Variants in NNT observed in about 807,000 individuals in gnomAD.
NNT encodes nicotinamide nucleotide transhydrogenase, also known as NAD(P) transhydrogenase, mitochondrial.
NNT carries 50 observed loss-of-function variants against 104.8 expected under a neutral mutation model. That is an observed-to-expected ratio of 0.48 (90% CI 0.38 to 0.60). NNT has a LOEUF of 0.60. NNT is among the 20% of genes least tolerant of loss of function. The probability of loss-of-function intolerance (pLI) is 0.00; values close to 1 mark genes in which losing one functional copy is unlikely to be tolerated. For synonymous variants in NNT, 461 were observed against 490.4 expected (o/e 0.94, Z 0.79); for missense variants, 1,131 against 1,330.7 (o/e 0.85, Z 2.33).
At chr5:43,633,973 A>G (rs1750811600) in intron 7 of NNT, among the ~76,000 whole-genome samples, 2 of 152,232 alleles carry the variant, frequency 1.3e-5, no homozygotes, top group Admixed American at 6.5e-5. Flanking sequence ...TTTGGGAATT[A>G]GAAAGTGTCC....
rs190729926 is a variant in NNT at position 43,609,491 on chromosome 5, A to G, written c.151+145A>G. 148 of 726,310 alleles carry G rather than the reference A, an allele frequency of 2.0e-4. 1 individual carries two copies. The African/African-American group carries it at 2.2e-3, about 11-fold the overall frequency. The allele number at this position is 726,310 out of a possible 1,614,324, so 45.0% of individuals were successfully genotyped here. On this transcript the variant is annotated intron_variant, in intron 2 of 21. Coordinates refer to ENST00000344920, the MANE Select transcript of NNT (RefSeq NM_182977.3). ...TTTAAACAAACAACAAGTAAGTGCT[A>G]TCTTGTATTTTCCATGTACTATAGA... is the stretch of plus-strand genomic sequence containing the variant.
At chr5:43,671,544 G>A (rs1369548246) in intron 17 of NNT, among the ~76,000 whole-genome samples, 1 of 152,184 alleles carries the variant, frequency 6.6e-6, no homozygotes, top group Non-Finnish European at 1.5e-5. Context: ...GACTTATGAA[G>A]CTTAGTTTGG....
intron 17 of NNT, among the ~76,000 whole-genome samples, chr5:43,673,078 T>G (rs551369678): frequency 6.6e-6 from 1 of 152,236 alleles, no homozygotes; most frequent in Non-Finnish European, 1.5e-5. Flanking sequence ...TGGGACCCTC[T>G]GAGCCAGGCA....
rs777077737 is a variant in NNT at position 43,700,199 on chromosome 5, T to C, written c.2957T>C (p.Ile986Thr). 9 of 1,613,634 alleles carry C rather than the reference T, an allele frequency of 5.6e-6. No homozygotes were observed. Among genetic ancestry groups the C allele is most frequent in the East Asian group, 4.5e-5 (2 of 44,860 alleles). The stretch of plus-strand genomic sequence containing the variant: ...GCTGAGGCTGGTGTGCCATATGACA[T>C]TGTGTTGGAAATGGATGAGATCAAC... ...LLAEAGVPYD[I>T]VLEMDEINHD... Residue 986 changes from isoleucine (I) to threonine (T), a missense_variant, in exon 20 of 22, where the codon ATT (isoleucine) becomes ACT (threonine). By Grantham distance (89) the Ile-to-Thr change is moderately conservative. Coordinates refer to ENST00000344920, the MANE Select transcript of NNT (RefSeq NM_182977.3).
At chr5:43,701,338 A>T (rs1355459988) in intron 20 of NNT, among the ~76,000 whole-genome samples, 1 of 151,582 alleles carries the variant, frequency 6.6e-6, no homozygotes, top group Non-Finnish European at 1.5e-5. Context: ...GCAGTATTTG[A>T]TTTTCTTTTC....
Position 43,649,319 on chromosome 5 carries a change from C to T in NNT, c.1606+11C>T, listed in dbSNP as rs755867237. On this transcript the variant is annotated intron_variant, in intron 11 of 21. Coordinates refer to ENST00000344920, the MANE Select transcript of NNT (RefSeq NM_182977.3). ...CAAATGCAATCTCAGGTTTGTTCCT[C>T]TCTTGTTTTTCCTCATCTCAGGTTT... 3 of 1,613,606 alleles carry T rather than the reference C, an allele frequency of 1.9e-6. No individual in the cohort carries two copies. The highest frequency in any genetic ancestry group is 1.3e-5 in the African/African-American group (1 of 74,928).
intron 4 of NNT, among the ~76,000 whole-genome samples, chr5:43,616,726 A>G (rs569520886): frequency 6.6e-6 from 1 of 152,154 alleles, no homozygotes; most frequent in South Asian, 2.1e-4. Flanking sequence ...GAATGTGGCT[A>G]TGATTGAGTA....
intron 6 of NNT, among the ~76,000 whole-genome samples, chr5:43,627,697 C>CT (rs1344548542): frequency 6.6e-6 from 1 of 151,980 alleles, no homozygotes; most frequent in African/African-American, 2.4e-5. Context: ...TTATAGGTTA[C>CT]TTTTTGCAAA....
intron 10 of NNT, chr5:43,648,192 T>G: frequency 9.3e-7 from 1 of 1,073,412 alleles, no homozygotes; most frequent in Non-Finnish European, 1.1e-6. Context: ...GGTAGGAAAA[T>G]AAATTAAAAC....
At chr5:43,615,106 C>T (rs1247884517) in intron 3 of NNT, among the ~76,000 whole-genome samples, 4 of 151,336 alleles carry the variant, frequency 2.6e-5, no homozygotes, top group African/African-American at 4.9e-5. Flanking sequence ...CACTGCAGTC[C>T]GCAGTCCGGC....
chr5:43,626,690 C>T (rs116710374), intron 6 of NNT, among the ~76,000 whole-genome samples: 2,125 of 150,968 alleles, frequency 0.014, 42 homozygotes, highest in African/African-American at 0.044. Flanking sequence ...ATTCTATCAG[C>T]CAGATATAAT....
chr5:43,649,333 C>T lies in NNT; in HGVS notation c.1606+25C>T, dbSNP rs1237604409. On this transcript the variant is annotated intron_variant, in intron 11 of 21. Transcript: ENST00000344920. ...GGTTTGTTCCTCTCTTGTTTTTCCT[C>T]ATCTCAGGTTTTCATAGGGTTACTC... 5.0e-6 allele frequency: 8 copies of T among 1,612,806 alleles called. No individual in the cohort carries two copies. In the African/African-American group the frequency reaches 8.0e-5, roughly 16 times the overall value.
chr5:43,669,736 A>T (rs1331683204), intron 17 of NNT, among the ~76,000 whole-genome samples: 1 of 152,114 alleles, frequency 6.6e-6, no homozygotes, highest in African/African-American at 2.4e-5. Flanking sequence ...ATTGGTCTAA[A>T]ATTCTCTTTT....
At chr5:43,659,458 T>C in intron 17 of NNT, 108 bp downstream of exon 17, 2 of 987,216 alleles carry the variant, frequency 2.0e-6, no homozygotes, top group Non-Finnish European at 2.9e-6. Flanking sequence ...AGGCTGGGCA[T>C]GGTAGCTCAC....
At chr5:43,649,038 G>C in intron 10 of NNT, 109 bp from the exon 11 acceptor site, 1 of 1,229,680 alleles carries the variant, frequency 8.1e-7, no homozygotes, top group Non-Finnish European at 1.2e-6. Flanking sequence ...ACTGGCAAGG[G>C]AGTGGAATTT....
At chr5:43,623,631 A>G (rs892037331) in intron 5 of NNT, among the ~76,000 whole-genome samples, 2 of 152,222 alleles carry the variant, frequency 1.3e-5, no homozygotes, top group African/African-American at 4.8e-5. Flanking sequence ...GAAAAACCTT[A>G]TAATTTGATA....
intron 17 of NNT, among the ~76,000 whole-genome samples, chr5:43,672,380 G>A (rs1460018919): frequency 6.6e-6 from 1 of 152,234 alleles, no homozygotes; most frequent in Non-Finnish European, 1.5e-5. Context: ...AGAATTTTCA[G>A]CTTTTCTGCT....
intron 14 of NNT, among the ~76,000 whole-genome samples, chr5:43,654,780 T>C (rs1739952815): frequency 6.6e-6 from 1 of 152,260 alleles, no homozygotes; most frequent in Admixed American, 6.5e-5. Context: ...TTTTTTCCCC[T>C]GGAACTGGTT....
intron 17 of NNT, among the ~76,000 whole-genome samples, chr5:43,669,251 T>C (rs1295029321): frequency 6.6e-6 from 1 of 152,104 alleles, no homozygotes; most frequent in Non-Finnish European, 1.5e-5. Context: ...CTTCCTCTTT[T>C]CCTAATTGAA....
Sources: allele counts gnomAD v4.1 joint callset (sites outside exome capture counted in the v4.1 genomes callset), GRCh38; gene constraint gnomAD v4.1.1; transcripts MANE v1.5; gene names NCBI Gene and HGNC (gene_info 2026-07-23, HGNC 2026-07-21).